Variants in EFNA5 observed in about 807,000 individuals in gnomAD.
The protein encoded by EFNA5 is ephrin-A5.
A neutral mutation model predicts 22.9 loss-of-function variants in EFNA5; 5 were observed. That is an observed-to-expected ratio of 0.22 (90% CI 0.11 to 0.46). EFNA5 has a LOEUF of 0.46. EFNA5 is among the 20% of genes least tolerant of loss of function. The pLI, the probability that EFNA5 is intolerant of heterozygous loss-of-function variation, is 0.99. For synonymous variants in EFNA5, 113 were observed against 112.2 expected (o/e 1.01, Z -0.04); for missense variants, 237 against 293.3 (o/e 0.81, Z 1.40).
At chr5:107,636,310 A>T (rs1306851609) in intron 1 of EFNA5, among the ~76,000 whole-genome samples, 1 of 152,248 alleles carries the variant, frequency 6.6e-6, no homozygotes, top group East Asian at 1.9e-4. Flanking sequence ...CACGCTGCAT[A>T]TGCGTGCAAA....
chr5:107,516,041 G>C (rs545043716), intron 1 of EFNA5, among the ~76,000 whole-genome samples: 1 of 152,186 alleles, frequency 6.6e-6, no homozygotes, highest in Non-Finnish European at 1.5e-5. Flanking sequence ...GTCTCACACT[G>C]TCGCCCACGC....
At chr5:107,423,123 T>C (rs1356717257) in intron 2 of EFNA5, among the ~76,000 whole-genome samples, 1 of 152,172 alleles carries the variant, frequency 6.6e-6, no homozygotes, top group African/African-American at 2.4e-5. Context: ...AATTACATTA[T>C]TTTACAGATG....
chr5:107,523,950 C>T (rs1338606738), intron 1 of EFNA5, among the ~76,000 whole-genome samples: 1 of 152,164 alleles, frequency 6.6e-6, no homozygotes, highest in East Asian at 1.9e-4. Flanking sequence ...AACTGCACAG[C>T]AATTTAAAGT....
chr5:107,529,352 A>G (rs994837889), intron 1 of EFNA5, among the ~76,000 whole-genome samples: 1 of 152,086 alleles, frequency 6.6e-6, no homozygotes, highest in Non-Finnish European at 1.5e-5. Flanking sequence ...ACTAGATTCA[A>G]TTTATGCACC....
chr5:107,387,406 C>CTT (rs11377163), intron 3 of EFNA5, 91 bp from the exon 4 acceptor site: 9 of 829,292 alleles, frequency 1.1e-5, no homozygotes, highest in Admixed American at 5.6e-5. Flanking sequence ...TCCTTTTTTT[C>CTT]TTTTTTTATG....
At chr5:107,386,353 T>C (rs1747624542) in intron 4 of EFNA5, among the ~76,000 whole-genome samples, 1 of 152,052 alleles carries the variant, frequency 6.6e-6, no homozygotes, top group African/African-American at 2.4e-5. Flanking sequence ...CACCCCTCCA[T>C]AAGCAGTTGG....
chr5:107,594,340 A>C (rs1379620212), intron 1 of EFNA5, among the ~76,000 whole-genome samples: 2 of 152,276 alleles, frequency 1.3e-5, no homozygotes, highest in African/African-American at 2.4e-5. Flanking sequence ...AGGGGTAAAA[A>C]GAAGGGCTGC....
At chr5:107,569,511 ATATATGTGTGTATATATATT>A (rs1201956395) in intron 1 of EFNA5, among the ~76,000 whole-genome samples, 120 of 138,172 alleles carry the variant, frequency 8.7e-4, no homozygotes, top group African/African-American at 3.1e-3. Flanking sequence ...ATATATATTT[ATATATGTGTGTATATATATT>A]TATATATATA....
At chr5:107,593,555 A>G (rs982578019) in intron 1 of EFNA5, among the ~76,000 whole-genome samples, 4 of 152,194 alleles carry the variant, frequency 2.6e-5, no homozygotes, top group African/African-American at 9.6e-5. Flanking sequence ...GCACATCAGA[A>G]TCACCTAGGG....
chr5:107,420,654 GA>G (rs1353418074), intron 2 of EFNA5, among the ~76,000 whole-genome samples: 1 of 151,802 alleles, frequency 6.6e-6, no homozygotes, highest in African/African-American at 2.4e-5. Flanking sequence ...AAATACGAGG[GA>G]ACTGCTGGAG....
chr5:107,429,227 G>C (rs1392734137), intron 1 of EFNA5, among the ~76,000 whole-genome samples: 1 of 152,226 alleles, frequency 6.6e-6, no homozygotes, highest in African/African-American at 2.4e-5. Flanking sequence ...CGGATCACTT[G>C]AGTCCAGGAG....
chr5:107,575,234 G>A (rs1190619120), intron 1 of EFNA5, among the ~76,000 whole-genome samples: 1 of 152,140 alleles, frequency 6.6e-6, no homozygotes, highest in Non-Finnish European at 1.5e-5. Context: ...GATAAGAAGT[G>A]ATCTTTAAGT....
rs1747309987 is a variant in EFNA5 at position 107,377,889 on chromosome 5, A to G, written c.*3366T>C. 6.6e-6 allele frequency: 1 copy of G among 152,180 alleles called. No homozygotes were observed. Among genetic ancestry groups the G allele is most frequent in the East Asian group, 1.9e-4 (1 of 5,194 alleles). 9.4% of individuals were successfully genotyped at this position (152,180 alleles called of 1,614,324 possible). ...AGGGCTCCAACATCAGACCTTGAAA[A>G]CACCGAGGACAAAATATCGATCAAA... is the stretch of plus-strand genomic sequence containing the variant. On this transcript the variant is annotated 3_prime_UTR_variant, in exon 5 of 5. Coordinates refer to ENST00000333274, the MANE Select transcript of EFNA5 (RefSeq NM_001962.3).
intron 1 of EFNA5, among the ~76,000 whole-genome samples, chr5:107,600,506 C>T (rs939557115): frequency 1.1e-4 from 16 of 148,802 alleles, no homozygotes; most frequent in African/African-American, 3.3e-4. Flanking sequence ...TTTTTTTTGG[C>T]CACAGAGTCT....
intron 2 of EFNA5, among the ~76,000 whole-genome samples, chr5:107,408,199 C>A (rs1748272091): frequency 6.6e-6 from 1 of 152,012 alleles, no homozygotes; most frequent in South Asian, 2.1e-4. Flanking sequence ...CCATCACCAT[C>A]ACCATCACCA....
At chr5:107,647,952 G>C (rs1021272983) in intron 1 of EFNA5, among the ~76,000 whole-genome samples, 1 of 152,168 alleles carries the variant, frequency 6.6e-6, no homozygotes, top group African/African-American at 2.4e-5. Flanking sequence ...TCCAAAGCAA[G>C]AAGGGCATTA....
intron 1 of EFNA5, among the ~76,000 whole-genome samples, chr5:107,448,774 G>A (rs1256303662): frequency 6.6e-6 from 1 of 151,442 alleles, no homozygotes; most frequent in Admixed American, 6.6e-5. Flanking sequence ...AGGTTGCAGT[G>A]AGACGAGATC....
chr5:107,597,879 GAATTCC>G (rs1749507965), intron 1 of EFNA5, among the ~76,000 whole-genome samples: 2 of 152,102 alleles, frequency 1.3e-5, no homozygotes, highest in South Asian at 4.1e-4. Flanking sequence ...TCCCCCGACA[GAATTCC>G]TAATGAACTG....
chr5:107,463,180 G>C (rs1389713370), intron 1 of EFNA5, among the ~76,000 whole-genome samples: 2 of 152,082 alleles, frequency 1.3e-5, no homozygotes, highest in Non-Finnish European at 2.9e-5. Context: ...CAAAGATTTT[G>C]AGGTAATTCA....
Sources: allele counts gnomAD v4.1 joint callset (sites outside exome capture counted in the v4.1 genomes callset), GRCh38; gene constraint gnomAD v4.1.1; transcripts MANE v1.5; gene names NCBI Gene and HGNC (gene_info 2026-07-23, HGNC 2026-07-21).